The following ZNF30 variants were observed in gnomAD, a reference collection of about 807,000 sequenced individuals.
The protein encoded by ZNF30 is zinc finger protein 30, also known as zinc finger protein 30 (KOX 28).
In ZNF30, 15 loss-of-function variants were observed where a neutral mutation model predicts 13.2. That is an observed-to-expected ratio of 1.13 (90% CI 0.76 to 1.75). ZNF30 has a LOEUF of 1.75. ZNF30 is among the 40% of genes most tolerant of loss of function. The pLI is 0.00. For synonymous variants in ZNF30, 223 were observed against 256.6 expected (o/e 0.87, Z 1.25); for missense variants, 726 against 757.0 (o/e 0.96, Z 0.48).
In ZNF30 at chr19:34,943,175, A is replaced by AT. The variant is rs201651049; in HGVS notation, c.257-40dup. ...CAGTTTTTCTCTTTTCTTCCCTAGAATTTTTTTTCAAATAGAAAAATAAGA... is the reference window on the plus strand; with the variant it reads ...CAGTTTTTCTCTTTTCTTCCCTAGAATTTTTTTTTCAAATAGAAAAATAAGA... On this transcript the variant is annotated intron_variant, in intron 4 of 4. Transcript: ENST00000601142. 9.9e-3 allele frequency: 13,452 copies of AT among 1,363,302 alleles called. 85 individuals are homozygous for AT. Among genetic ancestry groups the AT allele is most frequent in the Non-Finnish European group, 0.011 (11,820 of 1,037,664 alleles). The allele number at this position is 1,363,302 out of a possible 1,614,324, so 84.5% of individuals were successfully genotyped here. A position where few individuals can be genotyped will look rare whatever the true frequency, so the allele number is the denominator to read the frequency against.
At chr19:34,927,499 T>C (rs569368667) in intron 1 of ZNF30, among the ~76,000 whole-genome samples, 1 of 152,374 alleles carries the variant, frequency 6.6e-6, no homozygotes, top group South Asian at 2.1e-4. Context: ...AGGAAGCCTC[T>C]TCTTGTTTGG....
intron 3 of ZNF30, 162 bp from the exon 4 acceptor site, chr19:34,933,466 G>A (rs925816620): frequency 2.0e-5 from 10 of 492,018 alleles, no homozygotes; most frequent in East Asian, 8.0e-5. Context: ...AAATAAAACC[G>A]TTCTCTACCT....
intron 1 of ZNF30, among the ~76,000 whole-genome samples, chr19:34,929,064 C>T (rs1568534703): frequency 1.3e-5 from 2 of 151,758 alleles, no homozygotes; most frequent in African/African-American, 2.4e-5. Flanking sequence ...GGGCGGATCA[C>T]GAAGTCAGGA....
At chr19:34,941,675 G>T (rs1334805251) in intron 4 of ZNF30, among the ~76,000 whole-genome samples, 1 of 152,194 alleles carries the variant, frequency 6.6e-6, no homozygotes, top group Non-Finnish European at 1.5e-5. Context: ...GATCCTAGGA[G>T]ATAACAGGAA....
upstream of ZNF30, among the ~76,000 whole-genome samples, chr19:34,925,716 T>C (rs1317478661): frequency 6.6e-6 from 1 of 152,114 alleles, no homozygotes; most frequent in Non-Finnish European, 1.5e-5. Context: ...GGTGGAGCCC[T>C]AGCCAGGGAC....
At chr19:34,930,021 A>G in intron 2 of ZNF30, 65 bp downstream of exon 2, 1 of 1,468,440 alleles carries the variant, frequency 6.8e-7, no homozygotes. Context: ...TCCTTAATTG[A>G]CCTGAAGCAT....
upstream of ZNF30, among the ~76,000 whole-genome samples, chr19:34,924,398 G>T (rs1224774145): frequency 6.6e-6 from 1 of 151,796 alleles, no homozygotes; most frequent in African/African-American, 2.4e-5. Context: ...AATTTCTATT[G>T]TATTCACCCC....
chr19:34,943,207 T>C lies in ZNF30; in HGVS notation c.257-16T>C. On this transcript the variant is annotated splice_polypyrimidine_tract_variant and intron_variant, in intron 4 of 4. Coordinates refer to ENST00000601142, the MANE Select transcript of ZNF30 (RefSeq NM_194325.3). ...TTCAAATAGAAAAATAAGATATTTT[T>C]AAAATTTTCTTTCAGATTTGCAGTT... The C allele has an allele frequency of 6.9e-7, 1 of 1,440,352 alleles. No individual in the cohort carries two copies. The allele number at this position is 1,440,352 out of a possible 1,614,324, so 89.2% of individuals were successfully genotyped here.
intron 4 of ZNF30, 146 bp from the exon 5 acceptor site, chr19:34,943,077 C>CTT (rs11315514): frequency 2.4e-4 from 115 of 478,064 alleles, no homozygotes; most frequent in South Asian, 3.4e-4. Context: ...CTCTGCATTC[C>CTT]TTTTTTTTTT....
At chr19:34,925,928 T>C (rs35307097), upstream of ZNF30, among the ~76,000 whole-genome samples, 45,231 of 152,012 alleles carry the variant, frequency 0.3, 6,900 homozygotes, top group South Asian at 0.35. Context: ...TCCCAGCACT[T>C]TGGGAGGCTG....
chr19:34,930,456 A>T (rs915115539), intron 2 of ZNF30, among the ~76,000 whole-genome samples: 9 of 152,132 alleles, frequency 5.9e-5, no homozygotes, highest in African/African-American at 2.2e-4. Flanking sequence ...TCTTCTTGGG[A>T]TGCCTGAGAG....
rs769393251 is a variant in ZNF30 at position 34,944,090 on chromosome 19, A to G, written c.1124A>G (p.Lys375Arg). Reference sequence around the variant, plus strand: ...GCAGAGATAAAGCCCTACGGATGCAAGGAATGCGGGAGAACCTTCAGTCGT... The same window carrying G: ...GCAGAGATAAAGCCCTACGGATGCAGGGAATGCGGGAGAACCTTCAGTCGT... ...IHAEIKPYGC[K>R]ECGRTFSRAS... is the part of the protein sequence containing the mutation. Residue 375 changes from lysine to arginine, a missense_variant, in exon 5 of 5, where the codon AAG becomes AGG. Coordinates refer to ENST00000601142, the MANE Select transcript of ZNF30 (RefSeq NM_194325.3). 8 of 1,613,782 alleles carry G rather than the reference A, an allele frequency of 5.0e-6. No individual in the cohort carries two copies. Among genetic ancestry groups the G allele is most frequent in the Non-Finnish European group, 6.8e-6 (8 of 1,179,760 alleles).
At chr19:34,936,066 A>G (rs1432963098) in intron 4 of ZNF30, among the ~76,000 whole-genome samples, 1 of 152,210 alleles carries the variant, frequency 6.6e-6, no homozygotes, top group Non-Finnish European at 1.5e-5. Flanking sequence ...CGCCCCCATG[A>G]TTCAATTATC....
intron 4 of ZNF30, among the ~76,000 whole-genome samples, chr19:34,935,838 A>G (rs1182849631): frequency 1.3e-5 from 2 of 151,826 alleles, no homozygotes; most frequent in African/African-American, 4.8e-5. Context: ...CTGATAAAAC[A>G]TACCCAAGAC....
At chr19:34,934,906 C>T (rs924807174) in intron 4 of ZNF30, among the ~76,000 whole-genome samples, 1 of 152,114 alleles carries the variant, frequency 6.6e-6, no homozygotes, top group Non-Finnish European at 1.5e-5. Context: ...ATTCTACACA[C>T]ATATCCCAGA....
rs765201238 is a variant in ZNF30 at position 34,944,773 on chromosome 19, A to G, written c.1807A>G (p.Lys603Glu). The G allele has an allele frequency of 9.3e-6, 15 of 1,613,620 alleles. No individual in the cohort carries two copies. Among genetic ancestry groups the G allele is most frequent in the East Asian group, 2.2e-5 (1 of 44,884 alleles). Residue 603 changes from lysine (K) to glutamate (E), a missense_variant, in exon 5 of 5, where the codon AAG (lysine) becomes GAG (glutamate). Coordinates refer to ENST00000601142, the MANE Select transcript of ZNF30 (RefSeq NM_194325.3). ...EKPFKCKKCG[K>E]TFRYSSALKV... is the part of the protein sequence containing the mutation. The stretch of plus-strand genomic sequence containing the variant: ...ACCCTTTAAATGCAAAAAATGTGGG[A>G]AGACCTTTAGATACAGTTCAGCCCT...
At position 34,944,594 on chromosome 19, in the gene ZNF30, AC is replaced by A; in HGVS notation, c.1629del (p.Asn543LysfsTer73). The A allele has an allele frequency of 6.2e-7, 1 of 1,614,164 alleles. No homozygotes were observed. The highest frequency in any genetic ancestry group is 8.5e-7 in the Non-Finnish European group (1 of 1,180,000). ...IHTGEKPYECNKCGKAFTVYG... is the reference protein window; with the variant it reads ...IHTGEKPYECXKCGKAFTVYG... The stretch of plus-strand genomic sequence containing the variant: ...ACTGGGGAGAAACCCTATGAATGTA[AC>A]AAATGTGGGAAAGCCTTTACTGTTT... On this transcript the variant is annotated frameshift_variant, in exon 5 of 5. Transcript: ENST00000601142. LOFTEE classifies it low-confidence loss of function (END_TRUNC).
chr19:34,943,097 C>A, intron 4 of ZNF30, 126 bp from the exon 5 acceptor site: 17 of 568,398 alleles, frequency 3.0e-5, no homozygotes, highest in Non-Finnish European at 4.1e-5. Context: ...TTTTGAATTT[C>A]ATAATGGTGT....
chr19:34,937,473 A>G (rs1320057506), intron 4 of ZNF30, among the ~76,000 whole-genome samples: 4 of 152,116 alleles, frequency 2.6e-5, no homozygotes, highest in Non-Finnish European at 5.9e-5. Context: ...GCTTATTCCT[A>G]TAATCCCAAC....
Sources: allele counts gnomAD v4.1 joint callset (sites outside exome capture counted in the v4.1 genomes callset), GRCh38; gene constraint gnomAD v4.1.1; transcripts MANE v1.5; gene names NCBI Gene and HGNC (gene_info 2026-07-23, HGNC 2026-07-21).